Variants in FBXO38 observed in about 807,000 individuals in gnomAD.
The protein encoded by FBXO38 is F-box only protein 38.
FBXO38 carries 53 observed loss-of-function variants against 131.9 expected under a neutral mutation model. The observed-to-expected ratio is 0.40, with a 90% CI of 0.32 to 0.51. FBXO38 has a LOEUF of 0.51. Ranked by LOEUF, FBXO38 falls within the 20% of genes least tolerant of loss-of-function variation. The probability of loss-of-function intolerance (pLI) is 0.53; values close to 1 mark genes in which losing one functional copy is unlikely to be tolerated. For missense variants in FBXO38, 1,076 were observed against 1,475.6 expected, an observed-to-expected ratio of 0.73 and a Z score of 4.44; for synonymous variants, 452 against 505.6, an observed-to-expected ratio of 0.89 and a Z score of 1.42.
At chr5:148,401,755 A>G (rs1433425744) in intron 3 of FBXO38, among the ~76,000 whole-genome samples, 1 of 152,174 alleles carries the variant, frequency 6.6e-6, no homozygotes, top group Non-Finnish European at 1.5e-5. Flanking sequence ...AGTCAATAAT[A>G]AAAGCCTCCT....
chr5:148,428,651 A>G (rs1237016378), intron 15 of FBXO38, among the ~76,000 whole-genome samples: 2 of 152,146 alleles, frequency 1.3e-5, no homozygotes, highest in African/African-American at 2.4e-5. Flanking sequence ...CCTGACAGTG[A>G]TAATAATGTA....
rs1169400556 is a variant in FBXO38, at chr5:148,402,623, A to T, written c.592+110A>T. 5.2e-6 allele frequency: 5 copies of T among 963,640 alleles called. No homozygotes were observed. In the African/African-American group the frequency reaches 8.2e-5, roughly 16 times the overall value. The allele number at this position is 963,640 out of a possible 1,614,324, so 59.7% of individuals were successfully genotyped here. ...TTAGAGATGGCTTTGTTGATTGATG[A>T]TTGCAAAATAAATGTTTGCAAGATC... On this transcript the variant is annotated intron_variant, in intron 5 of 21. Transcript: ENST00000340253.
At chr5:148,419,785 G>T (rs1001968039) in intron 12 of FBXO38, among the ~76,000 whole-genome samples, 5 of 152,026 alleles carry the variant, frequency 3.3e-5, no homozygotes, top group African/African-American at 1.2e-4. Flanking sequence ...CTTGGTTTTG[G>T]ACCAGCCCCA....
intron 21 of FBXO38, 50 bp downstream of exon 21, chr5:148,441,287 C>T (rs1410227043): frequency 7.8e-7 from 1 of 1,286,294 alleles, no homozygotes; most frequent in South Asian, 1.2e-5. Context: ...GTATAGCCTA[C>T]TGTGTTACAT....
intron 14 of FBXO38, among the ~76,000 whole-genome samples, chr5:148,426,604 A>G (rs1317343387): frequency 1.3e-5 from 2 of 152,234 alleles, no homozygotes; most frequent in Non-Finnish European, 2.9e-5. Flanking sequence ...TTTAGCAACT[A>G]AATCCTCTGT....
At chr5:148,388,514 G>C (rs1479075315) in intron 1 of FBXO38, among the ~76,000 whole-genome samples, 1 of 152,236 alleles carries the variant, frequency 6.6e-6, no homozygotes, top group African/African-American at 2.4e-5. Flanking sequence ...CGTTATCTAA[G>C]TTAGATCTTT....
intron 1 of FBXO38, among the ~76,000 whole-genome samples, chr5:148,389,191 G>T (rs1484866945): frequency 6.6e-6 from 1 of 152,148 alleles, no homozygotes. Flanking sequence ...AACAATTAAA[G>T]TAGTAACATC....
At chr5:148,425,462 C>A in intron 13 of FBXO38, 60 bp from the exon 14 acceptor site, 1 of 1,338,858 alleles carries the variant, frequency 7.5e-7, no homozygotes, top group Non-Finnish European at 1.1e-6. Flanking sequence ...GGAAACAGTA[C>A]TTTGCATTAG....
chr5:148,430,820 A>G (rs908572846), intron 15 of FBXO38: 2 of 152,200 alleles, frequency 1.3e-5, no homozygotes, highest in African/African-American at 4.8e-5. Flanking sequence ...TTGTGAATTT[A>G]TATTTTGGGA....
chr5:148,387,381 TC>T (rs1392395646), intron 1 of FBXO38, among the ~76,000 whole-genome samples: 1 of 152,202 alleles, frequency 6.6e-6, no homozygotes, highest in African/African-American at 2.4e-5. Context: ...AGGCTCTACA[TC>T]CGATTGTAGT....
At position 148,405,813 on chromosome 5, in the gene FBXO38, T is replaced by C. The variant is rs147811413; in HGVS notation, c.731-444T>C. Among the ~76,000 whole-genome samples, 7 of 152,248 alleles carry C rather than the reference T, an allele frequency of 4.6e-5. 1 individual carries two copies. In the South Asian group the frequency reaches 1.0e-3, roughly 22 times the overall value. ...GATGCAGTCTGCCTTCTTATCCTTC[T>C]ATAATTACTTATGTTAGTTCTAGCT... On this transcript the variant is annotated intron_variant, in intron 6 of 21. Coordinates refer to ENST00000340253, the MANE Select transcript of FBXO38 (RefSeq NM_205836.3).
At chr5:148,429,741 T>C (rs181895860) in intron 15 of FBXO38, among the ~76,000 whole-genome samples, 211 of 152,308 alleles carry the variant, frequency 1.4e-3, no homozygotes, top group Non-Finnish European at 1.2e-3. Context: ...TTTTGTTGTT[T>C]TGTTTTTAAT....
Position 148,406,261 on chromosome 5 carries a change from C to T in FBXO38, c.735C>T (p.Pro245=). Residue 245 remains proline (P), a synonymous_variant, in exon 7 of 22, where the codon CCC becomes CCT. Coordinates refer to ENST00000340253, the MANE Select transcript of FBXO38 (RefSeq NM_205836.3). ...AAGATTTTTTTTTTTTTCCAGGACC[C>T]ACAAATTCCTTGAAATATGTCCCTT... The part of the protein sequence containing the change: ...RTFVMRNCAG[P]TNSLKYVPLV... 3.2e-6 allele frequency: 5 copies of T among 1,568,138 alleles called. No individual in the cohort carries two copies. Among genetic ancestry groups the T allele is most frequent in the Non-Finnish European group, 4.3e-6 (5 of 1,162,768 alleles).
intron 9 of FBXO38, among the ~76,000 whole-genome samples, chr5:148,412,363 T>G (rs1429988326): frequency 4.6e-5 from 7 of 152,150 alleles, no homozygotes; most frequent in Non-Finnish European, 7.4e-5. Flanking sequence ...TTAGTTTCTC[T>G]CTTCTCAGTA....
chr5:148,415,887 T>C, intron 10 of FBXO38, 41 bp from the exon 11 acceptor site: 1 of 1,609,138 alleles, frequency 6.2e-7, no homozygotes. Flanking sequence ...ATGGGGAAAA[T>C]GTTACTTAGA....
intron 2 of FBXO38, among the ~76,000 whole-genome samples, chr5:148,398,308 A>G (rs2113518696): frequency 6.6e-6 from 1 of 152,152 alleles, no homozygotes; most frequent in Non-Finnish European, 1.5e-5. Context: ...ATATAACAGA[A>G]CAAAAGTCAG....
In FBXO38 at chr5:148,409,138, T is replaced by G. The variant is rs1295846971; in HGVS notation, c.883T>G (p.Leu295Val). 6.2e-7 allele frequency: 1 copy of G among 1,611,882 alleles called. No homozygotes were observed. The highest frequency in any genetic ancestry group is 1.1e-5 in the South Asian group (1 of 91,048). Residue 295 changes from leucine (L) to valine (V), a missense_variant, in exon 8 of 22, where the codon TTG (leucine) becomes GTG (valine). Physicochemically the swap from Leu to Val is conservative, Grantham distance 32. Around this residue, in one of 8 missense-constraint regions of FBXO38, gnomAD observed 146 missense variants for 274.3 expected, o/e 0.53. Coordinates refer to ENST00000340253, the MANE Select transcript of FBXO38 (RefSeq NM_205836.3). ...CTCGTCTTTAGGTGGTTTTAGAAATTTGCACACTATTGTTCTGGGAGCTTG... is the reference window on the plus strand; with the variant it reads ...CTCGTCTTTAGGTGGTTTTAGAAATGTGCACACTATTGTTCTGGGAGCTTG... ...DSWRSGGFRN[L>V]HTIVLGACKN...
intron 9 of FBXO38, among the ~76,000 whole-genome samples, chr5:148,411,096 C>A (rs1752724536): frequency 6.6e-6 from 1 of 152,104 alleles, no homozygotes. Context: ...ATCCTTGGTT[C>A]CATTGTTGAA....
chr5:148,414,074 G>A, intron 9 of FBXO38, 62 bp from the exon 10 acceptor site: 2 of 1,495,892 alleles, frequency 1.3e-6, no homozygotes, highest in Non-Finnish European at 1.8e-6. Flanking sequence ...TACAAAGTTG[G>A]TAACACTCCC....
Sources: allele counts gnomAD v4.1 joint callset (sites outside exome capture counted in the v4.1 genomes callset), GRCh38; gene constraint gnomAD v4.1.1; regional missense constraint gnomAD v4.1.1; transcripts MANE v1.5; gene names NCBI Gene and HGNC (gene_info 2026-07-23, HGNC 2026-07-21).